Variants in SYNPR observed in about 807,000 individuals in gnomAD.
The protein encoded by SYNPR is synaptoporin.
A neutral mutation model predicts 32.9 loss-of-function variants in SYNPR; 23 were observed. The ratio of observed to expected loss-of-function variants is 0.70; its 90% CI spans 0.50 to 0.99. The LOEUF is 0.99. Among genes scored for constraint, SYNPR ranks in the 50% least tolerant of loss-of-function variants. The pLI is 0.00. For missense variants in SYNPR, 318 were observed against 349.3 expected (o/e 0.91, Z 0.71); for synonymous variants, 146 against 135.9 (o/e 1.07, Z -0.52).
rs9840596 is a variant in SYNPR at position 63,539,340 on chromosome 3, A to G, written c.210-17203A>G. The stretch of plus-strand genomic sequence containing the variant: ...TCACAAGTTTTAATTCCTGGGCTCG[A>G]GTTTCTAAAGGAAGTTCAGGCTTTT... On this transcript the variant is annotated intron_variant, in intron 3 of 5. Coordinates refer to ENST00000478300, the MANE Select transcript of SYNPR (RefSeq NM_001130003.2). 7.7e-3 allele frequency among the ~76,000 whole-genome samples: 1,171 copies of G among 152,250 alleles called. 13 individuals carry two copies. Among genetic ancestry groups the G allele is most frequent in the African/African-American group, 0.026 (1,092 of 41,554 alleles).
At chr3:63,360,293 T>C (rs1018963250) in intron 2 of SYNPR, among the ~76,000 whole-genome samples, 6 of 152,118 alleles carry the variant, frequency 3.9e-5, no homozygotes, top group Admixed American at 3.9e-4. Context: ...TTCAAACTTA[T>C]ACCCTGATTC....
chr3:63,420,288 G>C (rs1699764785), intron 2 of SYNPR, among the ~76,000 whole-genome samples: 1 of 152,244 alleles, frequency 6.6e-6, no homozygotes, highest in East Asian at 1.9e-4. Flanking sequence ...AGACAAAAGA[G>C]AGGGCAATGT....
intron 2 of SYNPR, among the ~76,000 whole-genome samples, chr3:63,462,647 C>T (rs553456564): frequency 6.6e-6 from 1 of 152,240 alleles, no homozygotes; most frequent in Non-Finnish European, 1.5e-5. Flanking sequence ...GAAGATGCCC[C>T]TCCTAAATTG....
chr3:63,341,995 T>C (rs1161346078), intron 2 of SYNPR, among the ~76,000 whole-genome samples: 1 of 152,228 alleles, frequency 6.6e-6, no homozygotes, highest in Non-Finnish European at 1.5e-5. Context: ...AATTTTGCAT[T>C]TTACGTTTAG....
chr3:63,490,656 T>C (rs1701242372), intron 3 of SYNPR, among the ~76,000 whole-genome samples: 1 of 152,106 alleles, frequency 6.6e-6, no homozygotes, highest in African/African-American at 2.4e-5. Flanking sequence ...CTCAGTGATG[T>C]TGAGTAGTGT....
chr3:63,349,349 C>G (rs1197178436), intron 2 of SYNPR, among the ~76,000 whole-genome samples: 1 of 152,172 alleles, frequency 6.6e-6, no homozygotes, highest in Non-Finnish European at 1.5e-5. Context: ...ATCCGCCCAC[C>G]TCGGCCTCCC....
intron 2 of SYNPR, among the ~76,000 whole-genome samples, chr3:63,287,492 A>T (rs1487455851): frequency 2.0e-5 from 3 of 152,066 alleles, no homozygotes; most frequent in South Asian, 2.1e-4. Context: ...ATCAGAGTAA[A>T]TGCAGTGTGA....
intron 4 of SYNPR, among the ~76,000 whole-genome samples, chr3:63,568,687 T>G (rs1429800405): frequency 6.6e-6 from 1 of 152,044 alleles, no homozygotes; most frequent in Admixed American, 6.6e-5. Context: ...ATTTAAAGAA[T>G]AAAGCTGGGC....
chr3:63,325,251 C>A (rs1017397253), intron 2 of SYNPR, among the ~76,000 whole-genome samples: 1 of 152,024 alleles, frequency 6.6e-6, no homozygotes, highest in Admixed American at 6.5e-5. Flanking sequence ...TAGTAATGAC[C>A]ATTCACATGT....
chr3:63,448,906 C>T (rs868730910), intron 2 of SYNPR, among the ~76,000 whole-genome samples: 14 of 152,228 alleles, frequency 9.2e-5, no homozygotes, highest in Admixed American at 1.3e-4. Context: ...GCTTTTGGTC[C>T]TATATGTTCA....
chr3:63,513,726 C>T (rs1701739861), intron 3 of SYNPR, among the ~76,000 whole-genome samples: 1 of 151,780 alleles, frequency 6.6e-6, no homozygotes, highest in African/African-American at 2.4e-5. Flanking sequence ...CATCAAAGAA[C>T]TTGAGTGGTT....
At chr3:63,246,763 A>G (rs1442325369) in intron 1 of SYNPR, among the ~76,000 whole-genome samples, 1 of 152,044 alleles carries the variant, frequency 6.6e-6, no homozygotes, top group African/African-American at 2.4e-5. Flanking sequence ...GGGCCTCAGG[A>G]TGTCACAGTA....
intron 3 of SYNPR, among the ~76,000 whole-genome samples, chr3:63,520,119 A>ATT (rs1482454631): frequency 1.3e-5 from 2 of 152,184 alleles, no homozygotes; most frequent in Non-Finnish European, 2.9e-5. Context: ...TTACAGCATA[A>ATT]TTTTAATATG....
chr3:63,542,278 C>T (rs779677709), intron 3 of SYNPR, among the ~76,000 whole-genome samples: 4 of 152,090 alleles, frequency 2.6e-5, no homozygotes, highest in Non-Finnish European at 4.4e-5. Context: ...TTGATCAGAT[C>T]TACTTCTGAG....
chr3:63,291,651 A>G (rs532884698), intron 2 of SYNPR, among the ~76,000 whole-genome samples: 3 of 152,224 alleles, frequency 2.0e-5, no homozygotes, highest in Admixed American at 6.5e-5. Context: ...TGTGACCACC[A>G]TTCACCCAGG....
chr3:63,553,941 G>C (rs574691746), intron 3 of SYNPR, among the ~76,000 whole-genome samples: 1 of 152,186 alleles, frequency 6.6e-6, no homozygotes, highest in African/African-American at 2.4e-5. Context: ...GGCTGGTCTC[G>C]ATCTCCCAAC....
intron 3 of SYNPR, among the ~76,000 whole-genome samples, chr3:63,510,214 A>T (rs1701670626): frequency 6.6e-6 from 1 of 152,288 alleles, no homozygotes; most frequent in South Asian, 2.1e-4. Context: ...GATATTCACA[A>T]GGTAAGGTTG....
chr3:63,305,083 C>G (rs965405419), intron 2 of SYNPR, among the ~76,000 whole-genome samples: 4 of 151,908 alleles, frequency 2.6e-5, no homozygotes, highest in Admixed American at 2.0e-4. Flanking sequence ...TTATGCAGTC[C>G]CCTCCCACAT....
chr3:63,545,985 C>T (rs976872866), intron 3 of SYNPR, among the ~76,000 whole-genome samples: 20 of 152,138 alleles, frequency 1.3e-4, no homozygotes, highest in Admixed American at 1.0e-3. Context: ...CGTTGTCAAC[C>T]GGACATTCAA....
Sources: allele counts gnomAD v4.1 joint callset (sites outside exome capture counted in the v4.1 genomes callset), GRCh38; gene constraint gnomAD v4.1.1; transcripts MANE v1.5; gene names NCBI Gene and HGNC (gene_info 2026-07-23, HGNC 2026-07-21).